KCNIP4: variants seen among roughly 807,000 people sequenced by gnomAD.
KCNIP4 encodes Kv channel-interacting protein 4.
A neutral mutation model predicts 34.0 loss-of-function variants in KCNIP4; 12 were observed. The ratio of observed to expected loss-of-function variants is 0.35; its 90% CI spans 0.23 to 0.57. The LOEUF (loss-of-function observed/expected upper bound fraction) is 0.57, where lower values mean the gene tolerates loss of function less well. KCNIP4 is among the 20% of genes least tolerant of loss of function. The pLI is 0.83. For synonymous variants in KCNIP4, 124 were observed against 102.2 expected, an observed-to-expected ratio of 1.21 and a Z score of -1.29; for missense variants, 238 against 311.7, an observed-to-expected ratio of 0.76 and a Z score of 1.78.
chr4:21,252,809 G>A (rs1385021601), intron 1 of KCNIP4, among the ~76,000 whole-genome samples: 1 of 150,076 alleles, frequency 6.7e-6, no homozygotes, highest in Non-Finnish European at 1.5e-5. Flanking sequence ...TGTAATGAGA[G>A]GGCAGAGAGG....
At chr4:21,871,262 C>T (rs1209504977) in intron 1 of KCNIP4, among the ~76,000 whole-genome samples, 2 of 121,722 alleles carry the variant, frequency 1.6e-5, no homozygotes, top group African/African-American at 6.0e-5. Flanking sequence ...TCCCCGCTCC[C>T]CACCTCCCCC....
chr4:21,869,767 TAGATAGATAGATAGATAGACAGACAGAC>T (rs1265224528), intron 1 of KCNIP4, among the ~76,000 whole-genome samples: 28 of 140,382 alleles, frequency 2.0e-4, no homozygotes, highest in African/African-American at 6.8e-4. Context: ...GATAGATAGA[TAGATAGATAGATAGATAGACAGACAGAC>T]AGATAGATAG....
chr4:20,983,456 A>G (rs1445815267), intron 1 of KCNIP4, among the ~76,000 whole-genome samples: 2 of 152,194 alleles, frequency 1.3e-5, no homozygotes, highest in African/African-American at 4.8e-5. Flanking sequence ...ATAGGATGAA[A>G]TCACTAATGA....
intron 1 of KCNIP4, among the ~76,000 whole-genome samples, chr4:21,522,348 T>G (rs1735602909): frequency 6.6e-6 from 1 of 151,988 alleles, no homozygotes; most frequent in African/African-American, 2.4e-5. Context: ...AAATACATTT[T>G]CACCTGCCAC....
chr4:21,450,563 G>A (rs758557344), intron 1 of KCNIP4, among the ~76,000 whole-genome samples: 36 of 152,140 alleles, frequency 2.4e-4, no homozygotes, highest in Non-Finnish European at 4.7e-4. Flanking sequence ...GAAGTAAAGG[G>A]TGGGGGCAAG....
At chr4:20,957,902 C>A (rs909346767) in intron 1 of KCNIP4, among the ~76,000 whole-genome samples, 1 of 152,174 alleles carries the variant, frequency 6.6e-6, no homozygotes, top group Non-Finnish European at 1.5e-5. Context: ...TGCTTTCTGG[C>A]CTCACATCCC....
At chr4:21,030,135 G>T (rs976051909) in intron 1 of KCNIP4, among the ~76,000 whole-genome samples, 1 of 152,144 alleles carries the variant, frequency 6.6e-6, no homozygotes, top group Non-Finnish European at 1.5e-5. Context: ...AGCAAGCAAA[G>T]TTTCTTCTGT....
rs921504523 is a variant in KCNIP4, at chr4:20,843,696, T to C, written c.288+6847A>G. ...AGTGAGTGGAGATCGCGCCACTGCA[T>C]TCCAGCCTGGGTGACAGAGCGAGAC... On this transcript the variant is annotated intron_variant, in intron 3 of 8. Transcript: ENST00000382152. Among the ~76,000 whole-genome samples the C allele has an allele frequency of 2.6e-5, 4 of 152,144 alleles. 1 individual carries two copies. The highest frequency in any genetic ancestry group is 1.9e-4 in the East Asian group (1 of 5,148).
chr4:20,734,177 C>T (rs1560409126), intron 6 of KCNIP4, among the ~76,000 whole-genome samples: 1 of 152,122 alleles, frequency 6.6e-6, no homozygotes, highest in Non-Finnish European at 1.5e-5. Context: ...GGTCTGTGAA[C>T]CTTGTTTCCT....
At chr4:21,144,227 G>C (rs941224630) in intron 1 of KCNIP4, among the ~76,000 whole-genome samples, 3 of 152,186 alleles carry the variant, frequency 2.0e-5, no homozygotes, top group African/African-American at 7.2e-5. Context: ...CAATATGTGA[G>C]TGGTACTTTA....
At chr4:21,753,333 G>A (rs1160904987) in intron 1 of KCNIP4, among the ~76,000 whole-genome samples, 2 of 151,712 alleles carry the variant, frequency 1.3e-5, no homozygotes, top group Non-Finnish European at 2.9e-5. Flanking sequence ...TGCACTAAGT[G>A]CTGGCTATCT....
chr4:21,091,903 G>A (rs991378886), intron 1 of KCNIP4, among the ~76,000 whole-genome samples: 1 of 152,030 alleles, frequency 6.6e-6, no homozygotes, highest in Non-Finnish European at 1.5e-5. Flanking sequence ...GCATTTTGAG[G>A]GGAAACCAAC....
Position 21,365,478 on chromosome 4 carries a change from A to AAAATAAATAAATAAAT in KCNIP4, c.62-482785_62-482770dup, listed in dbSNP as rs3048729. 3.0e-3 allele frequency among the ~76,000 whole-genome samples: 390 copies of AAAATAAATAAATAAAT among 132,082 alleles called. 1 individual carries two copies. The highest frequency in any genetic ancestry group is 4.5e-3 in the Admixed American group (56 of 12,364). 86.7% of individuals were successfully genotyped at this position (132,082 alleles called of 152,430 possible). A position where few individuals can be genotyped will look rare whatever the true frequency, so the allele number is the denominator to read the frequency against. On this transcript the variant is annotated intron_variant, in intron 1 of 8. Coordinates refer to ENST00000382152, the MANE Select transcript of KCNIP4 (RefSeq NM_025221.6). ...GGATAACAGAGTGAGACTGTCTCAAAAAATAAATAAATAAATAAATAAATA... is the reference window on the plus strand; with the variant it reads ...GGATAACAGAGTGAGACTGTCTCAAAAAATAAATAAATAAATAAATAAATAAATAAATAAATAAATA...
chr4:21,771,007 G>A (rs958017485), intron 1 of KCNIP4, among the ~76,000 whole-genome samples: 11 of 152,084 alleles, frequency 7.2e-5, no homozygotes, highest in African/African-American at 2.4e-4. Context: ...TTTGCATGAA[G>A]TCTTTGCCCA....
chr4:21,819,091 AAC>A (rs1193247664), intron 1 of KCNIP4, among the ~76,000 whole-genome samples: 1 of 152,236 alleles, frequency 6.6e-6, no homozygotes, highest in Non-Finnish European at 1.5e-5. Context: ...TAAAGTTTCA[AAC>A]AGAGTCTTTC....
rs1302609146 is a variant in KCNIP4, at chr4:21,289,253, G to A, written c.62-406544C>T. ...TAATGATTCAATCAGGGTAATTGGG[G>A]CATCTGTTACCTCAAGCATTTATCA... On this transcript the variant is annotated intron_variant, in intron 1 of 8. Coordinates refer to ENST00000382152, the MANE Select transcript of KCNIP4 (RefSeq NM_025221.6). 4.6e-5 allele frequency among the ~76,000 whole-genome samples: 7 copies of A among 152,184 alleles called. No homozygotes were observed. In the East Asian group the frequency reaches 9.7e-4, roughly 21 times the overall value.
At chr4:21,338,256 C>T (rs1026963304) in intron 1 of KCNIP4, among the ~76,000 whole-genome samples, 7 of 123,414 alleles carry the variant, frequency 5.7e-5, no homozygotes, top group African/African-American at 1.9e-4. Context: ...CCAAGCGAGA[C>T]TCCTTCTCAA....
intron 1 of KCNIP4, among the ~76,000 whole-genome samples, chr4:21,077,625 G>A (rs924479296): frequency 6.6e-6 from 1 of 151,982 alleles, no homozygotes; most frequent in African/African-American, 2.4e-5. Flanking sequence ...AAGAGCCTTC[G>A]TTGTCTTTCA....
At chr4:21,666,116 T>C (rs1034569894) in intron 1 of KCNIP4, among the ~76,000 whole-genome samples, 1 of 152,180 alleles carries the variant, frequency 6.6e-6, no homozygotes, top group South Asian at 2.1e-4. Flanking sequence ...ATTCTACTGG[T>C]GCCAAGTTAA....
Sources: gnomAD v4.1 joint callset for allele counts (sites outside exome capture counted in the v4.1 genomes callset) on GRCh38, gnomAD v4.1.1 for gene constraint, MANE v1.5 for transcripts, NCBI Gene and HGNC (gene_info 2026-07-23, HGNC 2026-07-21) for gene names.